PLD1: variants seen among roughly 807,000 people sequenced by gnomAD.
The protein encoded by PLD1 is phospholipase D1, also known as choline phosphatase 1.
PLD1 carries 112 observed loss-of-function variants against 137.1 expected under a neutral mutation model. The observed-to-expected ratio is 0.82, with a 90% CI of 0.70 to 0.96. PLD1 has a LOEUF of 0.96. PLD1 is among the 40% of genes least tolerant of loss of function. The pLI, the probability that PLD1 is intolerant of heterozygous loss-of-function variation, is 0.00. For missense variants in PLD1, 1,321 were observed against 1,342.0 expected, an observed-to-expected ratio of 0.98 and a Z score of 0.24; for synonymous variants, 431 against 454.7, an observed-to-expected ratio of 0.95 and a Z score of 0.66.
intron 1 of PLD1, among the ~76,000 whole-genome samples, chr3:171,768,187 C>T (rs534151554): frequency 6.6e-6 from 1 of 152,202 alleles, no homozygotes; most frequent in East Asian, 1.9e-4. Context: ...CAGGAGTATA[C>T]TCTATCCTCA....
intron 1 of PLD1, among the ~76,000 whole-genome samples, chr3:171,741,475 C>T (rs1005956406): frequency 1.3e-5 from 2 of 152,212 alleles, no homozygotes; most frequent in Non-Finnish European, 2.9e-5. Flanking sequence ...GGGTGAGCAG[C>T]TGCCACAGGC....
intron 23 of PLD1, among the ~76,000 whole-genome samples, chr3:171,625,629 G>A (rs184652968): frequency 6.6e-6 from 1 of 152,106 alleles, no homozygotes; most frequent in African/African-American, 2.4e-5. Flanking sequence ...CACCTCACAC[G>A]GCCGGGTACT....
In PLD1 at chr3:171,670,303, A is replaced by G. The variant is rs186141277; in HGVS notation, c.2229+4197T>C. Reference sequence around the variant, plus strand: ...CATGAAATGTTCCAAACACATAGAAATAACAGAAGACTTGAGATCATGACA... The same window carrying G: ...CATGAAATGTTCCAAACACATAGAAGTAACAGAAGACTTGAGATCATGACA... On this transcript the variant is annotated intron_variant, in intron 19 of 26. Coordinates refer to ENST00000351298, the MANE Select transcript of PLD1 (RefSeq NM_002662.5). Among the ~76,000 whole-genome samples the G allele has an allele frequency of 3.3e-5, 5 of 152,370 alleles. No individual in the cohort carries two copies. The Middle Eastern group carries it at 0.01, about 311-fold the overall frequency.
chr3:171,768,421 G>A (rs989716451), intron 1 of PLD1, among the ~76,000 whole-genome samples: 13 of 152,254 alleles, frequency 8.5e-5, no homozygotes, highest in Admixed American at 7.9e-4. Flanking sequence ...AGCTGACAAG[G>A]CTATAAACTG....
At chr3:171,704,525 G>A (rs542778349) in intron 11 of PLD1, among the ~76,000 whole-genome samples, 4 of 147,126 alleles carry the variant, frequency 2.7e-5, no homozygotes, top group East Asian at 3.9e-4. Flanking sequence ...ATACCAAGAC[G>A]ACATGGATAT....
chr3:171,756,032 C>T (rs894831128), intron 1 of PLD1, among the ~76,000 whole-genome samples: 7 of 152,162 alleles, frequency 4.6e-5, no homozygotes, highest in African/African-American at 1.7e-4. Flanking sequence ...TCTCTATATC[C>T]AATCAATTAA....
chr3:171,618,353 T>G (rs534913431), intron 24 of PLD1, among the ~76,000 whole-genome samples: 1 of 152,370 alleles, frequency 6.6e-6, no homozygotes, highest in African/African-American at 2.4e-5. Context: ...AATTTGTATT[T>G]ATACTTCATG....
chr3:171,740,994 G>C (rs2108271423), intron 1 of PLD1, among the ~76,000 whole-genome samples: 1 of 152,272 alleles, frequency 6.6e-6, no homozygotes. Context: ...TTATGGGCTT[G>C]AATGTCTATA....
At chr3:171,782,753 G>A (rs1364335203) in intron 1 of PLD1, among the ~76,000 whole-genome samples, 1 of 152,078 alleles carries the variant, frequency 6.6e-6, no homozygotes, top group East Asian at 1.9e-4. Flanking sequence ...GCTTTAAAGA[G>A]GAACAAAGAT....
chr3:171,803,209 G>A (rs1288217194), intron 1 of PLD1, among the ~76,000 whole-genome samples: 1 of 152,204 alleles, frequency 6.6e-6, no homozygotes, highest in Non-Finnish European at 1.5e-5. Context: ...GTTGAGACTT[G>A]TACCAGACCA....
In PLD1 at chr3:171,601,385, C is replaced by T. The variant is rs764997748; in HGVS notation, c.*1693G>A. 6.6e-6 allele frequency: 1 copy of T among 152,136 alleles called. No homozygotes were observed. Among genetic ancestry groups the T allele is most frequent in the Non-Finnish European group, 1.5e-5 (1 of 68,026 alleles). The allele number at this position is 152,136 out of a possible 1,614,324, so 9.4% of individuals were successfully genotyped here. On this transcript the variant is annotated 3_prime_UTR_variant, in exon 27 of 27. Transcript: ENST00000351298. ...TAGAGATCCCATACACTCAATACTTCAAATGCCAATCTGAACTTCTTTCAT... is the reference window on the plus strand; with the variant it reads ...TAGAGATCCCATACACTCAATACTTTAAATGCCAATCTGAACTTCTTTCAT...
At chr3:171,801,681 A>G (rs754390436) in intron 1 of PLD1, among the ~76,000 whole-genome samples, 2 of 152,176 alleles carry the variant, frequency 1.3e-5, no homozygotes, top group East Asian at 3.9e-4. Flanking sequence ...TACCTGCCTC[A>G]GCCTTCCAAA....
chr3:171,672,861 C>T lies in PLD1; in HGVS notation c.2229+1639G>A, dbSNP rs182742920. On this transcript the variant is annotated intron_variant, in intron 19 of 26. Coordinates refer to ENST00000351298, the MANE Select transcript of PLD1 (RefSeq NM_002662.5). ...AAGCATTTTATAGAGTCTCTATTGACCTCACCAGGCAGCAGGATGAGACTA... is the reference window on the plus strand; with the variant it reads ...AAGCATTTTATAGAGTCTCTATTGATCTCACCAGGCAGCAGGATGAGACTA... Among the ~76,000 whole-genome samples the T allele has an allele frequency of 4.6e-5, 7 of 152,302 alleles. No homozygotes were observed. The East Asian group carries it at 1.3e-3, about 29-fold the overall frequency.
rs905518086 is a variant in PLD1, at chr3:171,746,026, G to A, written c.-31-7944C>T. Among the ~76,000 whole-genome samples, 7 of 63,594 alleles carry A rather than the reference G, an allele frequency of 1.1e-4. 1 individual carries two copies. Among genetic ancestry groups the A allele is most frequent in the South Asian group, 8.1e-4 (3 of 3,726 alleles). The allele number at this position is 63,594 out of a possible 152,430, so 41.7% of individuals were successfully genotyped here. ...CCCGGGCAGTGAGGGGCTTAGCACCGGGCAAGCAGTTGCGGAGGGTACGCC... is the reference window on the plus strand; with the variant it reads ...CCCGGGCAGTGAGGGGCTTAGCACCAGGCAAGCAGTTGCGGAGGGTACGCC... On this transcript the variant is annotated intron_variant, in intron 1 of 26. Transcript: ENST00000351298.
intron 11 of PLD1, among the ~76,000 whole-genome samples, chr3:171,702,429 A>T (rs1056180220): frequency 2.6e-5 from 4 of 151,890 alleles, no homozygotes. Context: ...TTGAAGCTGC[A>T]GTGAGCCACG....
chr3:171,805,375 A>G (rs1431166871), intron 1 of PLD1, among the ~76,000 whole-genome samples: 1 of 152,222 alleles, frequency 6.6e-6, no homozygotes, highest in Non-Finnish European at 1.5e-5. Flanking sequence ...GTCGGCCATA[A>G]TGTGGGCCCT....
chr3:171,621,541 TG>T (rs1733629606), intron 23 of PLD1, among the ~76,000 whole-genome samples: 1 of 152,330 alleles, frequency 6.6e-6, no homozygotes, highest in African/African-American at 2.4e-5. Context: ...TGTTATTCAG[TG>T]TTTCTATTAA....
At chr3:171,641,102 G>T (rs1465649639) in intron 23 of PLD1, among the ~76,000 whole-genome samples, 3 of 152,146 alleles carry the variant, frequency 2.0e-5, no homozygotes, top group Non-Finnish European at 4.4e-5. Context: ...ACCCTGATCT[G>T]CTCCCTCCAA....
At chr3:171,781,213 GA>G (rs1201066737) in intron 1 of PLD1, among the ~76,000 whole-genome samples, 5 of 139,222 alleles carry the variant, frequency 3.6e-5, no homozygotes, top group African/African-American at 1.1e-4. Context: ...ATCCAATAGA[GA>G]AAAAAAATGA....
Sources: allele counts gnomAD v4.1 joint callset (sites outside exome capture counted in the v4.1 genomes callset), GRCh38; gene constraint gnomAD v4.1.1; transcripts MANE v1.5; gene names NCBI Gene and HGNC (gene_info 2026-07-23, HGNC 2026-07-21).